The following LIN28B variants were observed in gnomAD, a reference collection of about 807,000 sequenced individuals.
LIN28B encodes protein lin-28 homolog B.
A neutral mutation model predicts 21.9 loss-of-function variants in LIN28B; 5 were observed. The ratio of observed to expected loss-of-function variants is 0.23; its 90% CI spans 0.12 to 0.48. The LOEUF is 0.48. Among genes scored for constraint, LIN28B ranks in the 20% least tolerant of loss-of-function variants. The pLI, the probability that LIN28B is intolerant of heterozygous loss-of-function variation, is 0.98. For synonymous variants in LIN28B, 109 were observed against 111.3 expected (o/e 0.98, Z 0.13); for missense variants, 245 against 310.5 (o/e 0.79, Z 1.58).
chr6:104,994,464 T>C (rs1582884999), intron 2 of LIN28B, among the ~76,000 whole-genome samples: 1 of 152,220 alleles, frequency 6.6e-6, no homozygotes, highest in Admixed American at 6.5e-5. Flanking sequence ...AAAAATGGAT[T>C]CAGTCATGGG....
At chr6:104,989,968 A>T (rs1344091934) in intron 2 of LIN28B, among the ~76,000 whole-genome samples, 1 of 152,164 alleles carries the variant, frequency 6.6e-6, no homozygotes, top group Non-Finnish European at 1.5e-5. Flanking sequence ...ATTCATTTCC[A>T]TCGGAGACTA....
intron 3 of LIN28B, among the ~76,000 whole-genome samples, chr6:105,043,022 CTGAA>C (rs1771667847): frequency 6.6e-6 from 1 of 152,170 alleles, no homozygotes; most frequent in Non-Finnish European, 1.5e-5. Flanking sequence ...GAAAGAACCT[CTGAA>C]CTGTCCTTTG....
chr6:105,075,869 T>C (rs1772415419), intron 3 of LIN28B, among the ~76,000 whole-genome samples: 1 of 152,228 alleles, frequency 6.6e-6, no homozygotes, highest in African/African-American at 2.4e-5. Flanking sequence ...TTTAACCTAT[T>C]TTCTGTCTCT....
upstream of LIN28B, among the ~76,000 whole-genome samples, chr6:104,953,240 G>C (rs1482184242): frequency 6.6e-6 from 1 of 152,116 alleles, no homozygotes; most frequent in African/African-American, 2.4e-5. Context: ...CCAGGGCGAC[G>C]TTTGCCATCG....
intron 1 of LIN28B, 74 bp from the exon 2 acceptor site, chr6:104,958,025 A>ATTTT: frequency 1.2e-6 from 1 of 853,470 alleles, no homozygotes; most frequent in East Asian, 3.8e-5. Flanking sequence ...CAGGCAGGCA[A>ATTTT]TTTTTTTTTT....
intron 2 of LIN28B, 148 bp from the exon 3 acceptor site, chr6:105,026,150 A>G: frequency 2.3e-6 from 1 of 440,850 alleles, no homozygotes; most frequent in African/African-American, 2.0e-5. Flanking sequence ...AAACTTTAAA[A>G]TGGTATATGT....
intron 3 of LIN28B, among the ~76,000 whole-genome samples, chr6:105,062,655 G>A (rs970655246): frequency 6.6e-6 from 1 of 151,794 alleles, no homozygotes; most frequent in Non-Finnish European, 1.5e-5. Context: ...AATGATCCTG[G>A]AACATACCTA....
intron 2 of LIN28B, among the ~76,000 whole-genome samples, chr6:104,961,446 G>GCT (rs1312118605): frequency 1.3e-5 from 2 of 151,986 alleles, no homozygotes; most frequent in Admixed American, 1.3e-4. Context: ...TGTCACCCGG[G>GCT]CTGGAGTGCA....
intron 2 of LIN28B, among the ~76,000 whole-genome samples, 200 bp from the exon 3 acceptor site, chr6:105,026,098 G>A (rs1005781105): frequency 5.9e-5 from 9 of 151,990 alleles, no homozygotes; most frequent in African/African-American, 2.2e-4. Context: ...TTGCCAAATT[G>A]CCTTAAAAAT....
chr6:105,064,385 C>G (rs1772182826), intron 3 of LIN28B, among the ~76,000 whole-genome samples: 1 of 152,116 alleles, frequency 6.6e-6, no homozygotes, highest in South Asian at 2.1e-4. Context: ...ACTCTCCACT[C>G]TCCAGGATAG....
At chr6:104,971,967 T>TTATG (rs1458478567) in intron 2 of LIN28B, among the ~76,000 whole-genome samples, 7 of 133,964 alleles carry the variant, frequency 5.2e-5, no homozygotes, top group African/African-American at 1.7e-4. Flanking sequence ...AGTATTACTG[T>TTATG]TATTTATTTA....
At chr6:104,975,359 T>C in intron 2 of LIN28B, among the ~76,000 whole-genome samples, 1 of 152,148 alleles carries the variant, frequency 6.6e-6, no homozygotes, top group East Asian at 1.9e-4. Context: ...GTAGTTATTT[T>C]ATAGTTTTAT....
rs777202068 is a variant in LIN28B at position 105,018,933 on chromosome 6, CTTTCT to C, written c.199-7346_199-7342del. Among the ~76,000 whole-genome samples the C allele has an allele frequency of 1.8e-4, 27 of 151,512 alleles. 2 individuals are homozygous for C. In the South Asian group the frequency reaches 3.5e-3, roughly 20 times the overall value. On this transcript the variant is annotated intron_variant, in intron 2 of 3. Transcript: ENST00000345080. ...CTTTTGTTCTCTCATTTATCTTGGT[CTTTCT>C]TTTCTTTTCTTTTCTTTTTTTTTTG...
At chr6:104,959,582 T>C (rs1769684451) in intron 2 of LIN28B, among the ~76,000 whole-genome samples, 1 of 152,222 alleles carries the variant, frequency 6.6e-6, no homozygotes, top group Non-Finnish European at 1.5e-5. Flanking sequence ...CCATCATTAT[T>C]GGCTGTTTAT....
In LIN28B at chr6:105,015,494, C is replaced by T. The variant is rs571350524; in HGVS notation, c.199-10804C>T. ...TCAATTTGATAAATCTCTGCATTTT[C>T]GTTGGAGTGTTAAATCCTAATTTAA... On this transcript the variant is annotated intron_variant, in intron 2 of 3. Transcript: ENST00000345080. Among the ~76,000 whole-genome samples the T allele has an allele frequency of 2.1e-4, 32 of 151,904 alleles. 1 individual carries two copies. Among genetic ancestry groups the T allele is most frequent in the East Asian group, 3.9e-4 (2 of 5,178 alleles).
intron 3 of LIN28B, among the ~76,000 whole-genome samples, chr6:105,061,893 G>C (rs1772127764): frequency 6.6e-6 from 1 of 151,828 alleles, no homozygotes; most frequent in South Asian, 2.1e-4. Context: ...TAAGATGAAA[G>C]TTTTAAAAAT....
upstream of LIN28B, among the ~76,000 whole-genome samples, chr6:104,955,596 C>G (rs998103709): frequency 6.6e-6 from 1 of 151,622 alleles, no homozygotes; most frequent in East Asian, 1.9e-4. Context: ...CATAGCTCTT[C>G]GATTCATAAT....
At chr6:104,946,193 G>A (rs548063831) in intron 2 of LIN28B, among the ~76,000 whole-genome samples, 25 of 152,094 alleles carry the variant, frequency 1.6e-4, no homozygotes, top group African/African-American at 5.8e-4. Context: ...CGAATGTGAA[G>A]CTTGTTTTCA....
upstream of LIN28B, among the ~76,000 whole-genome samples, chr6:104,953,489 A>G (rs1778246590): frequency 6.6e-6 from 1 of 152,214 alleles, no homozygotes. Context: ...ATAGTAGTGA[A>G]GGCAGGGATT....
Sources: gnomAD v4.1 joint callset for allele counts (sites outside exome capture counted in the v4.1 genomes callset) on GRCh38, gnomAD v4.1.1 for gene constraint, MANE v1.5 for transcripts, NCBI Gene and HGNC (gene_info 2026-07-23, HGNC 2026-07-21) for gene names.